The following LNPK variants were observed in gnomAD, a reference collection of about 807,000 sequenced individuals.
The protein encoded by LNPK is endoplasmic reticulum junction formation protein lunapark.
Under a neutral mutation model 55.2 loss-of-function variants are expected in LNPK, and 29 were observed. That is an observed-to-expected ratio of 0.53 (90% CI 0.39 to 0.72). LNPK has a LOEUF of 0.72. LNPK is among the 30% of genes least tolerant of loss of function. The pLI is 0.00. For missense variants in LNPK, 467 were observed against 494.8 expected (o/e 0.94, Z 0.53); for synonymous variants, 162 against 168.2 (o/e 0.96, Z 0.29).
chr2:175,987,181 C>A (rs1225784955), intron 4 of LNPK, among the ~76,000 whole-genome samples: 2 of 151,888 alleles, frequency 1.3e-5, no homozygotes, highest in Non-Finnish European at 2.9e-5. Context: ...GGGTATATAC[C>A]CAAAGGATTG....
chr2:175,989,558 A>G (rs1442772726), intron 4 of LNPK, among the ~76,000 whole-genome samples: 1 of 152,182 alleles, frequency 6.6e-6, no homozygotes, highest in Non-Finnish European at 1.5e-5. Flanking sequence ...ATAAAACTTA[A>G]TGGTTGCTGA....
chr2:175,993,872 A>G (rs1264099317), intron 2 of LNPK, among the ~76,000 whole-genome samples: 1 of 152,158 alleles, frequency 6.6e-6, no homozygotes, highest in African/African-American at 2.4e-5. Context: ...ATGATTACTC[A>G]AAAGAATTAA....
intron 8 of LNPK, among the ~76,000 whole-genome samples, chr2:175,950,981 T>C (rs1198386374): frequency 2.0e-5 from 3 of 152,172 alleles, no homozygotes; most frequent in Non-Finnish European, 4.4e-5. Context: ...TGTGAAGTCA[T>C]TTACATGTAT....
intron 6 of LNPK, chr2:175,967,634 T>C: frequency 1.0e-6 from 1 of 984,860 alleles, no homozygotes; most frequent in Non-Finnish European, 1.2e-6. Context: ...TATAAACTCA[T>C]CCTTTTATCA....
At position 175,939,663 on chromosome 2, in the gene LNPK, A is replaced by C; in HGVS notation, c.707-6T>G. ...TGGACCTGGAGGATGAAGACCTATT[A>C]AATAAATAAATACATACAAAATTTA... On this transcript the variant is annotated splice_region_variant and splice_polypyrimidine_tract_variant and intron_variant, in intron 9 of 12. Transcript: ENST00000272748. The C allele has an allele frequency of 7.3e-7, 1 of 1,365,538 alleles. No homozygotes were observed. Among genetic ancestry groups the C allele is most frequent in the Non-Finnish European group, 1.0e-6 (1 of 975,228 alleles). 84.6% of individuals were successfully genotyped at this position (1,365,538 alleles called of 1,614,324 possible).
chr2:175,929,887 A>C lies in LNPK; in HGVS notation c.*80T>G. The stretch of plus-strand genomic sequence containing the variant: ...CAAGCATACCCTTAGAGGGGCAAAA[A>C]AAGTAAGTGCCACCGAAAAAGCAAT... On this transcript the variant is annotated 3_prime_UTR_variant, in exon 13 of 13. Coordinates refer to ENST00000272748, the MANE Select transcript of LNPK (RefSeq NM_030650.3). The C allele has an allele frequency of 2.5e-6, 4 of 1,574,852 alleles. No homozygotes were observed. The highest frequency in any genetic ancestry group is 2.6e-6 in the Non-Finnish European group (3 of 1,160,750).
chr2:175,985,873 CTG>C (rs1687384205), intron 4 of LNPK, among the ~76,000 whole-genome samples: 1 of 152,192 alleles, frequency 6.6e-6, no homozygotes, highest in South Asian at 2.1e-4. Flanking sequence ...TTAACTGAAA[CTG>C]CAGAGGGCAA....
Position 175,978,713 on chromosome 2 carries a change from G to T in LNPK, c.316+1097C>A, listed in dbSNP as rs112967283. 5.4e-3 allele frequency among the ~76,000 whole-genome samples: 822 copies of T among 152,310 alleles called. 6 individuals carry two copies. The highest frequency in any genetic ancestry group is 0.019 in the African/African-American group (785 of 41,570). ...GTCTGGTCAGGTGAGCATGTTGTAT[G>T]ATTTTCCTCTAATAAGTTTAGCTGC... On this transcript the variant is annotated intron_variant, in intron 5 of 12. Transcript: ENST00000272748.
rs1046529851 is a variant in LNPK, at chr2:175,996,526, C to G, written c.-62-880G>C. Among the ~76,000 whole-genome samples, 8 of 152,306 alleles carry G rather than the reference C, an allele frequency of 5.3e-5. No individual in the cohort carries two copies. The East Asian group carries it at 7.7e-4, about 15-fold the overall frequency. On this transcript the variant is annotated intron_variant, in intron 1 of 12. Coordinates refer to ENST00000272748, the MANE Select transcript of LNPK (RefSeq NM_030650.3). Reference sequence around the variant, plus strand: ...TTCTCTTAATTAGTTAATAATACAACCACTTTCTCACAGGATAGTCTATAG... The same window carrying G: ...TTCTCTTAATTAGTTAATAATACAAGCACTTTCTCACAGGATAGTCTATAG...
intron 1 of LNPK, among the ~76,000 whole-genome samples, chr2:176,001,292 C>G (rs1431667454): frequency 6.6e-6 from 1 of 152,108 alleles, no homozygotes; most frequent in East Asian, 1.9e-4. Context: ...TTTGTCAATG[C>G]TGACACCCAG....
intron 4 of LNPK, among the ~76,000 whole-genome samples, chr2:175,984,190 T>G (rs1574888544): frequency 6.6e-6 from 1 of 151,944 alleles, no homozygotes; most frequent in East Asian, 1.9e-4. Flanking sequence ...ACTTTTTTTT[T>G]TTTTGAGACG....
In LNPK at chr2:175,964,432, TATA is replaced by T; in HGVS notation, c.442-12_442-10del. The T allele has an allele frequency of 6.2e-7, 1 of 1,611,750 alleles. No individual in the cohort carries two copies. The highest frequency in any genetic ancestry group is 8.5e-7 in the Non-Finnish European group (1 of 1,177,820). ...GATGGCGGCTCACACTCCTGTCAAT[TATA>T]ATAATGTTATTACAGTGACCTATTA... On this transcript the variant is annotated splice_polypyrimidine_tract_variant and intron_variant, in intron 7 of 12. Transcript: ENST00000272748.
chr2:175,945,397 C>T (rs1385051174), intron 9 of LNPK, among the ~76,000 whole-genome samples: 1 of 150,238 alleles, frequency 6.7e-6, no homozygotes, highest in East Asian at 2.0e-4. Flanking sequence ...CCCAGCTACT[C>T]GGCAGGCTGA....
chr2:176,001,300 C>T (rs1330925777), intron 1 of LNPK, among the ~76,000 whole-genome samples: 1 of 152,066 alleles, frequency 6.6e-6, no homozygotes, highest in Non-Finnish European at 1.5e-5. Flanking sequence ...TGCTGACACC[C>T]AGGCCATAAA....
chr2:175,977,488 G>C (rs190199534), intron 5 of LNPK, among the ~76,000 whole-genome samples: 33 of 152,080 alleles, frequency 2.2e-4, no homozygotes, highest in African/African-American at 8.0e-4. Flanking sequence ...TAGTAGAAGA[G>C]GTAAAGCAAA....
chr2:175,939,475 CTA>C, intron 10 of LNPK, 75 bp downstream of exon 10: 1 of 679,694 alleles, frequency 1.5e-6, no homozygotes, highest in Non-Finnish European at 2.4e-6. Flanking sequence ...TGCCACAAAA[CTA>C]AAACATCTAG....
chr2:175,992,206 T>G, intron 4 of LNPK, 25 bp downstream of exon 4: 1 of 1,478,836 alleles, frequency 6.8e-7, no homozygotes, highest in Non-Finnish European at 9.1e-7. Context: ...AAGGAAAAGA[T>G]CAACAAAAAG....
intron 4 of LNPK, among the ~76,000 whole-genome samples, chr2:175,980,904 CAAAA>C (rs369143349): frequency 2.0e-5 from 2 of 99,572 alleles, no homozygotes; most frequent in Non-Finnish European, 1.9e-5. Context: ...AAGACTGTCC[CAAAA>C]AAAAAAAAAA....
chr2:175,965,609 G>C (rs1251180545), intron 6 of LNPK, among the ~76,000 whole-genome samples: 1 of 152,188 alleles, frequency 6.6e-6, no homozygotes, highest in Non-Finnish European at 1.5e-5. Context: ...CACAATAGCA[G>C]TTAACAGATT....
Sources: allele counts gnomAD v4.1 joint callset (sites outside exome capture counted in the v4.1 genomes callset), GRCh38; gene constraint gnomAD v4.1.1; transcripts MANE v1.5; gene names NCBI Gene and HGNC (gene_info 2026-07-23, HGNC 2026-07-21).